Variants in MYOF observed in about 807,000 individuals in gnomAD.
MYOF encodes myoferlin, also known as fer-1-like 3, myoferlin.
MYOF carries 244 observed loss-of-function variants against 284.2 expected under a neutral mutation model. That is an observed-to-expected ratio of 0.86 (90% confidence interval 0.77 to 0.95). MYOF has a LOEUF of 0.95. MYOF is among the 40% of genes least tolerant of loss of function. MYOF has a pLI of 0.00. For synonymous variants in MYOF, 904 were observed against 919.7 expected (o/e 0.98, Z 0.31); for missense variants, 2,496 against 2,560.6 (o/e 0.97, Z 0.54).
chr10:93,375,942 G>A (rs932667897), intron 22 of MYOF, among the ~76,000 whole-genome samples: 1 of 152,184 alleles, frequency 6.6e-6, no homozygotes, highest in African/African-American at 2.4e-5. Context: ...CACAGGGTGA[G>A]GATTTCCACC....
intron 43 of MYOF, among the ~76,000 whole-genome samples, chr10:93,331,916 T>C (rs1162114117): frequency 2.0e-5 from 3 of 152,224 alleles, no homozygotes; most frequent in Non-Finnish European, 4.4e-5. Context: ...AACATCATTT[T>C]CACAAATGTC....
Position 93,404,063 on chromosome 10 carries a change from G to A in MYOF, c.803C>T (p.Ser268Phe), listed in dbSNP as rs1330327852. The change falls in exon 9 of 54, where the codon TCT (serine) becomes TTT (phenylalanine). Residue 268 changes from serine (S) to phenylalanine (F), a missense_variant. Ser to Phe is a radical substitution (Grantham distance 155). This residue lies in a region of MYOF where 2,436 missense variants were observed against 2,480.7 expected (regional missense o/e 0.98). Transcript: ENST00000359263. ...DEIISIRVYN[S>F]HSLRADCLMG... ...CAGACAATCTGCCCGCAGAGAGTGA[G>A]AATTATAAACCTGGAAGAAAGAAGA... 38 of 1,614,028 alleles carry A rather than the reference G, an allele frequency of 2.4e-5. No individual in the cohort carries two copies. The highest frequency in any genetic ancestry group is 1.6e-4 in the Middle Eastern group (1 of 6,084).
chr10:93,317,458 G>A (rs1010826923), intron 49 of MYOF, among the ~76,000 whole-genome samples: 1 of 151,922 alleles, frequency 6.6e-6, no homozygotes, highest in African/African-American at 2.4e-5. Context: ...CCAACATGGT[G>A]AAACCCCGTC....
intron 1 of MYOF, among the ~76,000 whole-genome samples, chr10:93,472,573 A>G (rs2057173131): frequency 6.6e-6 from 1 of 152,072 alleles, no homozygotes; most frequent in Non-Finnish European, 1.5e-5. Flanking sequence ...CAGGAGGAGG[A>G]GGTTGCAGTG....
intron 49 of MYOF, among the ~76,000 whole-genome samples, chr10:93,317,130 GA>G (rs1842645409): frequency 6.8e-6 from 1 of 146,000 alleles, no homozygotes; most frequent in Admixed American, 7.1e-5. Flanking sequence ...GTCCTATTTA[GA>G]TTATCCTCCT....
At chr10:93,455,586 G>A (rs2134322490) in intron 2 of MYOF, among the ~76,000 whole-genome samples, 1 of 152,204 alleles carries the variant, frequency 6.6e-6, no homozygotes, top group African/African-American at 2.4e-5. Flanking sequence ...GACCACCTGA[G>A]CCCAGGAATT....
intron 41 of MYOF, among the ~76,000 whole-genome samples, chr10:93,334,581 G>T (rs1334470932): frequency 6.6e-6 from 1 of 152,156 alleles, no homozygotes; most frequent in Non-Finnish European, 1.5e-5. Flanking sequence ...ACAGGACTAG[G>T]CATATAGTAA....
chr10:93,341,498 A>G (rs1185710441), intron 38 of MYOF, among the ~76,000 whole-genome samples: 1 of 152,130 alleles, frequency 6.6e-6, no homozygotes, highest in Non-Finnish European at 1.5e-5. Flanking sequence ...GCTGGTCGCA[A>G]ACTCCTGACC....
At chr10:93,428,273 TGCA>T (rs530307112) in intron 4 of MYOF, among the ~76,000 whole-genome samples, 2 of 151,400 alleles carry the variant, frequency 1.3e-5, no homozygotes, top group South Asian at 4.2e-4. Flanking sequence ...CTCAGCTCAC[TGCA>T]GCCTCCGCCT....
chr10:93,366,649 A>G (rs12413623), intron 25 of MYOF, 94 bp from the exon 26 acceptor site: 19,918 of 1,067,550 alleles, frequency 0.019, 769 homozygotes, highest in Admixed American at 0.16. Context: ...GACTTAGGCT[A>G]GACAACTACA....
intron 3 of MYOF, among the ~76,000 whole-genome samples, chr10:93,442,706 A>G (rs573458276): frequency 2.7e-3 from 406 of 152,368 alleles, no homozygotes; most frequent in Non-Finnish European, 5.0e-3. Flanking sequence ...CAGAAAGAAT[A>G]CTAGACATGC....
intron 50 of MYOF, among the ~76,000 whole-genome samples, chr10:93,313,613 G>C (rs1842487761): frequency 6.6e-6 from 1 of 152,122 alleles, no homozygotes; most frequent in Non-Finnish European, 1.5e-5. Context: ...TAGAACACAG[G>C]ATGCTGGCTG....
chr10:93,473,955 G>A (rs922485382), intron 1 of MYOF, among the ~76,000 whole-genome samples: 1 of 152,084 alleles, frequency 6.6e-6, no homozygotes, highest in South Asian at 2.1e-4. Flanking sequence ...TACTGCCCTC[G>A]TGCTGGCCTC....
intron 49 of MYOF, among the ~76,000 whole-genome samples, chr10:93,318,149 G>T (rs1400740099): frequency 1.3e-5 from 2 of 152,182 alleles, no homozygotes; most frequent in Non-Finnish European, 2.9e-5. Context: ...TTGAGCTTCT[G>T]TGCCTCTTAA....
chr10:93,399,437 T>G lies in MYOF; in HGVS notation c.1176A>C (p.Lys392Asn). The G allele has an allele frequency of 6.2e-7, 1 of 1,613,990 alleles. No individual in the cohort carries two copies. Among genetic ancestry groups the G allele is most frequent in the Non-Finnish European group, 8.5e-7 (1 of 1,179,968 alleles). The change falls in exon 13 of 54, where the codon AAA becomes AAC. Residue 392 changes from lysine (K) to asparagine (N), a missense_variant. Physicochemically the swap from Lys to Asn is moderately conservative, Grantham distance 94 (BLOSUM62 0). Coordinates refer to ENST00000359263, the MANE Select transcript of MYOF (RefSeq NM_013451.4). ...CTTCTACAAAAGGATCCACGAGATT[T>G]TTCTTATCTGCATTGCCTCCAAATA... ...KEIFGGNADK[K>N]NLVDPFVEVS...
At chr10:93,347,856 A>G (rs1844305497) in intron 36 of MYOF, 74 bp from the exon 37 acceptor site, 25 of 1,450,532 alleles carry the variant, frequency 1.7e-5, no homozygotes, top group Non-Finnish European at 2.3e-5. Context: ...CCCCAGATGG[A>G]CCAGTCCAGA....
chr10:93,387,326 C>G (rs1846425696), intron 19 of MYOF, among the ~76,000 whole-genome samples: 1 of 152,200 alleles, frequency 6.6e-6, no homozygotes, highest in Non-Finnish European at 1.5e-5. Context: ...GTGGAACACA[C>G]AGGCATCGAC....
At chr10:93,385,184 C>G (rs1261223802) in intron 19 of MYOF, among the ~76,000 whole-genome samples, 1 of 152,068 alleles carries the variant, frequency 6.6e-6, no homozygotes, top group Non-Finnish European at 1.5e-5. Flanking sequence ...ATCCTGGAGA[C>G]AAAAAATGGA....
intron 3 of MYOF, among the ~76,000 whole-genome samples, chr10:93,439,073 A>G (rs2056165900): frequency 6.6e-6 from 1 of 152,196 alleles, no homozygotes; most frequent in Admixed American, 6.5e-5. Context: ...TCACTGACAT[A>G]GCCTGAAGGC....
Sources: gnomAD v4.1 joint callset for allele counts (sites outside exome capture counted in the v4.1 genomes callset) on GRCh38, gnomAD v4.1.1 for gene constraint, gnomAD v4.1.1 regional missense constraint, MANE v1.5 for transcripts, NCBI Gene and HGNC (gene_info 2026-07-23, HGNC 2026-07-21) for gene names.